The following FAM161A variants were observed in gnomAD, a reference collection of about 807,000 sequenced individuals.
The protein encoded by FAM161A is FAM161 centrosomal protein A.
In FAM161A, 57 loss-of-function variants were observed where a neutral mutation model predicts 70.9. The ratio of observed to expected loss-of-function variants is 0.80; its 90% confidence interval spans 0.65 to 1.00. The LOEUF is 1.00. Ranked by LOEUF, FAM161A falls within the 50% of genes least tolerant of loss-of-function variation. The pLI is 0.00. For missense variants in FAM161A, 880 were observed against 836.0 expected, an observed-to-expected ratio of 1.05 and a Z score of -0.65; for synonymous variants, 299 against 295.7, an observed-to-expected ratio of 1.01 and a Z score of -0.12.
chr2:61,812,098 A>C, the FAM161A span, among the ~76,000 whole-genome samples: 1 of 151,916 alleles, frequency 6.6e-6, no homozygotes, highest in African/African-American at 2.4e-5. Flanking sequence ...CCTTGACTCA[A>C]ATGTCCGCTT....
At chr2:61,846,499 T>G (rs1379508851) in intron 1 of FAM161A, among the ~76,000 whole-genome samples, 1 of 152,208 alleles carries the variant, frequency 6.6e-6, no homozygotes, top group East Asian at 1.9e-4. Flanking sequence ...AGGATACTCA[T>G]ACAAGCCTGG....
At chr2:61,808,380 C>T in the FAM161A span, among the ~76,000 whole-genome samples, 30 of 151,714 alleles carry the variant, frequency 2.0e-4, no homozygotes, top group Non-Finnish European at 1.0e-4. Flanking sequence ...TCAAGCAATT[C>T]CGCTGCATCT....
rs530869861 is a variant in FAM161A, at chr2:61,839,288, T to A, written c.1583+133A>T. Reference sequence around the variant, plus strand: ...TACCCTCTGACAAAATATCATATATTATATAGTAAAATATCTTATAGATAC... The same window carrying A: ...TACCCTCTGACAAAATATCATATATAATATAGTAAAATATCTTATAGATAC... On this transcript the variant is annotated intron_variant, in intron 3 of 6. Transcript: ENST00000404929. 17 of 623,616 alleles carry A rather than the reference T, an allele frequency of 2.7e-5. No individual in the cohort carries two copies. In the African/African-American group the frequency reaches 3.5e-4, roughly 13 times the overall value. The allele number at this position is 623,616 out of a possible 1,614,324, so 38.6% of individuals were successfully genotyped here. A position where few individuals can be genotyped will look rare whatever the true frequency, so the allele number is the denominator to read the frequency against.
At chr2:61,846,552 C>T (rs957532854) in intron 1 of FAM161A, among the ~76,000 whole-genome samples, 4 of 152,198 alleles carry the variant, frequency 2.6e-5, no homozygotes, top group Admixed American at 2.6e-4. Context: ...ACTTCTTGAA[C>T]ATCAGCTTTA....
chr2:61,849,346 A>G (rs1446074160), intron 1 of FAM161A, among the ~76,000 whole-genome samples: 1 of 150,928 alleles, frequency 6.6e-6, no homozygotes, highest in East Asian at 2.0e-4. Context: ...TGATATTTTA[A>G]GAGAAGAATG....
In FAM161A at chr2:61,825,635, T is replaced by C; in HGVS notation, c.*820A>G. On this transcript the variant is annotated 3_prime_UTR_variant, in exon 7 of 7. Transcript: ENST00000404929. ...AAATTTGCAAGTATCCATTTTTTTCTATACTTTTTTTTTTTTTTTGGAGAC... is the reference window on the plus strand; with the variant it reads ...AAATTTGCAAGTATCCATTTTTTTCCATACTTTTTTTTTTTTTTTGGAGAC... 1 of 433,860 alleles carries C rather than the reference T, an allele frequency of 2.3e-6. No homozygotes were observed. Among genetic ancestry groups the C allele is most frequent in the South Asian group, 1.7e-5 (1 of 59,368 alleles). 26.9% of individuals were successfully genotyped at this position (433,860 alleles called of 1,614,324 possible).
At chr2:61,801,707 C>T in the FAM161A span, among the ~76,000 whole-genome samples, 6 of 151,808 alleles carry the variant, frequency 4.0e-5, no homozygotes, top group Non-Finnish European at 5.9e-5. Flanking sequence ...ATTATAGACA[C>T]GTGCCACCAC....
At chr2:61,848,496 C>A (rs1673312187) in intron 1 of FAM161A, among the ~76,000 whole-genome samples, 1 of 151,968 alleles carries the variant, frequency 6.6e-6, no homozygotes, top group African/African-American at 2.4e-5. Flanking sequence ...CATCCTCTCC[C>A]TTTAATCGGC....
chr2:61,812,802 G>A, the FAM161A span, among the ~76,000 whole-genome samples: 1 of 152,112 alleles, frequency 6.6e-6, no homozygotes, highest in African/African-American at 2.4e-5. Flanking sequence ...GGGCGCGGTG[G>A]CTCACACCTG....
In FAM161A at chr2:61,842,127, A is replaced by C; in HGVS notation, c.417T>G (p.Ser139=). 1.9e-6 allele frequency: 3 copies of C among 1,544,104 alleles called. No homozygotes were observed. The highest frequency in any genetic ancestry group is 2.7e-6 in the Non-Finnish European group (3 of 1,116,258). Residue 139 remains serine, a synonymous_variant, in exon 2 of 7, where the codon TCT becomes TCG. Coordinates refer to ENST00000404929, the MANE Select transcript of FAM161A (RefSeq NM_001201543.2). ...VVIREDSLSD[S]SRSVSEKNSY... Reference sequence around the variant, plus strand: ...ACATTGAGTTACAAGCTTACCTGGAAGAGTCACTAAGAGAGTCTTCTCTGA... The same window carrying C: ...ACATTGAGTTACAAGCTTACCTGGACGAGTCACTAAGAGAGTCTTCTCTGA...
the FAM161A span, among the ~76,000 whole-genome samples, chr2:61,812,971 G>A: frequency 2.0e-5 from 3 of 151,986 alleles, no homozygotes; most frequent in African/African-American, 7.2e-5. Flanking sequence ...GCTGAGGCAG[G>A]AGAATGGCGT....
chr2:61,831,177 G>A (rs1372997890), intron 5 of FAM161A, among the ~76,000 whole-genome samples: 1 of 150,296 alleles, frequency 6.7e-6, no homozygotes, highest in South Asian at 2.1e-4. Context: ...TGCTGCATAT[G>A]TGTTCAATAT....
chr2:61,828,910 T>C (rs562061496), intron 5 of FAM161A, among the ~76,000 whole-genome samples: 3 of 152,246 alleles, frequency 2.0e-5, no homozygotes, highest in African/African-American at 7.2e-5. Flanking sequence ...GTGCCTCCAC[T>C]TTAGCCCATT....
intron 2 of FAM161A, among the ~76,000 whole-genome samples, chr2:61,841,745 C>A (rs182015060): frequency 1.3e-4 from 20 of 152,302 alleles, no homozygotes; most frequent in African/African-American, 4.6e-4. Context: ...AAATCAGATT[C>A]ATGTCTCCTA....
chr2:61,811,669 G>A, the FAM161A span, among the ~76,000 whole-genome samples: 1 of 151,824 alleles, frequency 6.6e-6, no homozygotes, highest in African/African-American at 2.4e-5. Context: ...CACTGCGCCT[G>A]GCCTAAATTT....
At chr2:61,829,164 A>G (rs1046463229) in intron 5 of FAM161A, among the ~76,000 whole-genome samples, 4 of 152,244 alleles carry the variant, frequency 2.6e-5, no homozygotes, top group African/African-American at 4.8e-5. Flanking sequence ...CTAAGGTCAC[A>G]AGGCTAGTGA....
chr2:61,814,102 G>T, the FAM161A span, among the ~76,000 whole-genome samples: 1 of 152,282 alleles, frequency 6.6e-6, no homozygotes. Flanking sequence ...TCAGTCAGGG[G>T]GCAAAGGGGA....
chr2:61,818,064 C>CTTTTTTTTTTTTTTTT, the FAM161A span, among the ~76,000 whole-genome samples: 1 of 139,770 alleles, frequency 7.2e-6, no homozygotes, highest in Non-Finnish European at 1.6e-5. Flanking sequence ...CATTCAGATC[C>CTTTTTTTTTTTTTTTT]TTTTTTTTTT....
the FAM161A span, among the ~76,000 whole-genome samples, chr2:61,817,824 G>A: frequency 6.6e-6 from 1 of 152,094 alleles, no homozygotes; most frequent in Non-Finnish European, 1.5e-5. Context: ...AAAATTAGCA[G>A]GTGCGGTGGC....
Sources: allele counts gnomAD v4.1 joint callset (sites outside exome capture counted in the v4.1 genomes callset), GRCh38; gene constraint gnomAD v4.1.1; transcripts MANE v1.5; gene names NCBI Gene and HGNC (gene_info 2026-07-23, HGNC 2026-07-21).